The following CADPS2 variants were observed in gnomAD, a reference collection of about 807,000 sequenced individuals.
The protein encoded by CADPS2 is calcium dependent secretion activator 2.
CADPS2 carries 93 observed loss-of-function variants against 172.5 expected under a neutral mutation model. The observed-to-expected ratio is 0.54, with a 90% CI of 0.46 to 0.64. The LOEUF (loss-of-function observed/expected upper bound fraction) is 0.64, where lower values mean the gene tolerates loss of function less well. Ranked by LOEUF, CADPS2 falls within the 30% of genes least tolerant of loss-of-function variation. The probability of loss-of-function intolerance (pLI) is 0.00; values close to 1 mark genes in which losing one functional copy is unlikely to be tolerated. For synonymous variants in CADPS2, 546 were observed against 555.2 expected, an observed-to-expected ratio of 0.98 and a Z score of 0.23; for missense variants, 1,420 against 1,565.9, an observed-to-expected ratio of 0.91 and a Z score of 1.57.
At chr7:122,539,825 CTCTT>C (rs72489712) in intron 8 of CADPS2, among the ~76,000 whole-genome samples, 25,607 of 151,750 alleles carry the variant, frequency 0.17, 2,574 homozygotes, top group East Asian at 0.25. Context: ...TTCTGTCTCT[CTCTT>C]TCTTTCTTTA....
chr7:122,568,767 T>C (rs573355211), intron 7 of CADPS2, among the ~76,000 whole-genome samples: 92 of 152,244 alleles, frequency 6.0e-4, no homozygotes, highest in Admixed American at 1.0e-3. Flanking sequence ...ATTCCAACTT[T>C]GGGTTTGGTG....
At chr7:122,391,031 C>T (rs1241756446) in intron 22 of CADPS2, among the ~76,000 whole-genome samples, 1 of 151,952 alleles carries the variant, frequency 6.6e-6, no homozygotes, top group African/African-American at 2.4e-5. Flanking sequence ...TCTTCAAAAC[C>T]ATGGTTGCTT....
At chr7:122,733,862 G>A (rs1049048496) in intron 2 of CADPS2, among the ~76,000 whole-genome samples, 3 of 152,080 alleles carry the variant, frequency 2.0e-5, no homozygotes, top group East Asian at 3.9e-4. Context: ...CATTGCTTGA[G>A]TCAAGGATTT....
intron 6 of CADPS2, among the ~76,000 whole-genome samples, chr7:122,594,391 C>T (rs1380416005): frequency 1.3e-5 from 2 of 151,972 alleles, no homozygotes; most frequent in Non-Finnish European, 2.9e-5. Flanking sequence ...AAGAAAAATC[C>T]TGCAAGCTTT....
At chr7:122,748,228 T>C (rs2092802075) in intron 1 of CADPS2, among the ~76,000 whole-genome samples, 1 of 152,130 alleles carries the variant, frequency 6.6e-6, no homozygotes, top group Non-Finnish European at 1.5e-5. Context: ...AATTCTAAGA[T>C]AGCTGTATGT....
intron 20 of CADPS2, among the ~76,000 whole-genome samples, chr7:122,404,418 GT>G (rs2046370859): frequency 6.6e-6 from 1 of 152,170 alleles, no homozygotes; most frequent in African/African-American, 2.4e-5. Flanking sequence ...TTGGTTCCAA[GT>G]CTTTGCTATT....
In CADPS2 at chr7:122,491,393, T is replaced by C. The variant is rs1180717427; in HGVS notation, c.1570A>G (p.Ser524Gly). 2 of 1,610,226 alleles carry C rather than the reference T, an allele frequency of 1.2e-6. No homozygotes were observed. Among genetic ancestry groups the C allele is most frequent in the East Asian group, 2.2e-5 (1 of 44,628 alleles). Residue 524 changes from serine to glycine, a missense_variant, in exon 10 of 30, where the codon AGT becomes GGT. Ser to Gly is a moderately conservative substitution (Grantham distance 56). Coordinates refer to ENST00000449022, the MANE Select transcript of CADPS2 (RefSeq NM_017954.11). Reference protein sequence around the residue: ...QVSQYTFAMCSYREKKSEPQE... With the variant: ...QVSQYTFAMCGYREKKSEPQE... ...GGTTCAGACTTCTTTTCTCTATAAC[T>C]GCACATAGCAAAGGTATATTGGCTA...
chr7:122,562,204 C>G (rs1358976835), intron 7 of CADPS2, among the ~76,000 whole-genome samples: 1 of 152,096 alleles, frequency 6.6e-6, no homozygotes, highest in Non-Finnish European at 1.5e-5. Flanking sequence ...ATGTTTTTAC[C>G]TTAAATGGCA....
chr7:122,778,616 C>T (rs2093954845), intron 1 of CADPS2, among the ~76,000 whole-genome samples: 3 of 152,154 alleles, frequency 2.0e-5, no homozygotes, highest in Non-Finnish European at 4.4e-5. Flanking sequence ...GACTTGGTGC[C>T]CTGTGTCCCA....
At chr7:122,420,625 G>A (rs1459042824) in intron 17 of CADPS2, among the ~76,000 whole-genome samples, 2 of 152,180 alleles carry the variant, frequency 1.3e-5, no homozygotes, top group Admixed American at 1.3e-4. Flanking sequence ...TCCTTAAAAT[G>A]TTTGTTTTCA....
chr7:122,371,527 C>T (rs1451540548), intron 25 of CADPS2, among the ~76,000 whole-genome samples: 1 of 151,448 alleles, frequency 6.6e-6, no homozygotes. Flanking sequence ...AGCCAATTAC[C>T]TCCACCTGCT....
At chr7:122,724,379 T>C (rs1245258535) in intron 2 of CADPS2, among the ~76,000 whole-genome samples, 1 of 151,910 alleles carries the variant, frequency 6.6e-6, no homozygotes, top group Non-Finnish European at 1.5e-5. Flanking sequence ...GTCTAGTATA[T>C]GTTCAGTGTC....
intron 1 of CADPS2, among the ~76,000 whole-genome samples, chr7:122,842,636 C>T (rs1245108591): frequency 1.3e-5 from 2 of 151,934 alleles, no homozygotes; most frequent in Non-Finnish European, 2.9e-5. Flanking sequence ...ATAAGAAAAA[C>T]AAATGTCATA....
At chr7:122,501,239 A>G (rs1315071851) in intron 9 of CADPS2, among the ~76,000 whole-genome samples, 1 of 152,100 alleles carries the variant, frequency 6.6e-6, no homozygotes, top group Non-Finnish European at 1.5e-5. Flanking sequence ...TGGGTGACAG[A>G]GTGAACTCTG....
At chr7:122,491,022 G>A (rs576723461) in intron 10 of CADPS2, among the ~76,000 whole-genome samples, 51 of 152,022 alleles carry the variant, frequency 3.4e-4, no homozygotes, top group African/African-American at 1.2e-3. Flanking sequence ...TTGCTTTCCC[G>A]CAAAGAAGTT....
chr7:122,785,497 A>C (rs1554430025), intron 1 of CADPS2, among the ~76,000 whole-genome samples: 1 of 152,162 alleles, frequency 6.6e-6, no homozygotes, highest in Non-Finnish European at 1.5e-5. Context: ...TAAATACCCC[A>C]GGTGAATTTT....
At chr7:122,684,277 G>C (rs2083389856) in intron 2 of CADPS2, among the ~76,000 whole-genome samples, 1 of 152,054 alleles carries the variant, frequency 6.6e-6, no homozygotes, top group South Asian at 2.1e-4. Flanking sequence ...ACTATGTTAA[G>C]TGAGGACTGT....
At chr7:122,521,928 A>C (rs988340111) in intron 8 of CADPS2, among the ~76,000 whole-genome samples, 9 of 152,210 alleles carry the variant, frequency 5.9e-5, no homozygotes, top group African/African-American at 1.9e-4. Flanking sequence ...ACAGTTTAAA[A>C]CAGTTTAAGA....
At chr7:122,390,185 C>T (rs531070710) in intron 22 of CADPS2, among the ~76,000 whole-genome samples, 47 of 152,156 alleles carry the variant, frequency 3.1e-4, no homozygotes, top group Admixed American at 9.8e-4. Flanking sequence ...ACTTTACTCA[C>T]TTAAATCTCT....
Sources: gnomAD v4.1 joint callset for allele counts (sites outside exome capture counted in the v4.1 genomes callset) on GRCh38, gnomAD v4.1.1 for gene constraint, MANE v1.5 for transcripts, NCBI Gene and HGNC (gene_info 2026-07-23, HGNC 2026-07-21) for gene names.